HEMK2: variants seen among roughly 807,000 people sequenced by gnomAD.
The protein encoded by HEMK2 is HemK methyltransferase 2, ETF1 glutamine and histone H4 lysine.
At chr21:28,877,297 G>GAAGA in the HEMK2 span, among the ~76,000 whole-genome samples, 15 of 126,584 alleles carry the variant, frequency 1.2e-4, no homozygotes, top group African/African-American at 4.7e-4. Flanking sequence ...AGGAAGGAAG[G>GAAGA]AAGAGAGAGA....
the HEMK2 span, among the ~76,000 whole-genome samples, chr21:28,656,920 T>C: frequency 6.6e-6 from 1 of 152,096 alleles, no homozygotes; most frequent in South Asian, 2.1e-4. Flanking sequence ...GAAAAACACC[T>C]ACCTTCTAAG....
At chr21:28,865,003 A>G in the HEMK2 span, among the ~76,000 whole-genome samples, 1 of 151,586 alleles carries the variant, frequency 6.6e-6, no homozygotes, top group African/African-American at 2.4e-5. Context: ...CCCTATGCAG[A>G]TATGTTCCCC....
At chr21:28,863,444 ATATATATATATATAT>A in the HEMK2 span, among the ~76,000 whole-genome samples, 1 of 88,642 alleles carries the variant, frequency 1.1e-5, no homozygotes, top group Non-Finnish European at 2.2e-5. Context: ...ATATATATAT[ATATATATATATATAT>A]ATATATATAT....
At chr21:28,594,969 C>G in the HEMK2 span, among the ~76,000 whole-genome samples, 1 of 152,204 alleles carries the variant, frequency 6.6e-6, no homozygotes, top group South Asian at 2.1e-4. Flanking sequence ...TTGGAATGAT[C>G]AATTATTTCC....
the HEMK2 span, among the ~76,000 whole-genome samples, chr21:28,863,471 C>G: frequency 1.9e-5 from 1 of 53,888 alleles, no homozygotes. Context: ...TATATATATA[C>G]TTCATTAGTT....
At chr21:28,811,989 A>C in the HEMK2 span, among the ~76,000 whole-genome samples, 1 of 152,216 alleles carries the variant, frequency 6.6e-6, no homozygotes, top group Non-Finnish European at 1.5e-5. Flanking sequence ...AGAAAGGTGG[A>C]AAAATCCTAA....
chr21:28,866,056 A>C, the HEMK2 span, among the ~76,000 whole-genome samples: 1 of 150,792 alleles, frequency 6.6e-6, no homozygotes, highest in Non-Finnish European at 1.5e-5. Context: ...TACTTCCAGC[A>C]CTTTGGGAGG....
At chr21:28,576,494 T>A in the HEMK2 span, among the ~76,000 whole-genome samples, 8 of 152,140 alleles carry the variant, frequency 5.3e-5, no homozygotes, top group African/African-American at 1.9e-4. Context: ...GCCAGATATA[T>A]GTATTTTTAA....
At chr21:28,862,373 G>C in the HEMK2 span, among the ~76,000 whole-genome samples, 146,695 of 146,696 alleles carry the variant, frequency 1, 73,347 homozygotes, top group Non-Finnish European at 1. Flanking sequence ...GGCGCGGTGG[G>C]TCATGCCTGT....
the HEMK2 span, among the ~76,000 whole-genome samples, chr21:28,620,660 C>CTTTTTTTTTTTTTTTT: frequency 4.7e-3 from 234 of 49,654 alleles, 50 homozygotes; most frequent in African/African-American, 5.7e-3. Context: ...TCTCTCTTTT[C>CTTTTTTTTTTTTTTTT]TTTTTTTTTT....
At chr21:28,831,562 AGAAG>A in the HEMK2 span, among the ~76,000 whole-genome samples, 1 of 85,778 alleles carries the variant, frequency 1.2e-5, no homozygotes, top group African/African-American at 6.7e-5. Flanking sequence ...AAAGAAGGAA[AGAAG>A]GAAAGAAAGA....
At chr21:28,588,771 C>G in the HEMK2 span, among the ~76,000 whole-genome samples, 1 of 152,102 alleles carries the variant, frequency 6.6e-6, no homozygotes, top group East Asian at 1.9e-4. Flanking sequence ...ATCACAAGGT[C>G]AGGAGATCGA....
chr21:28,701,336 G>T, the HEMK2 span, among the ~76,000 whole-genome samples: 13 of 152,182 alleles, frequency 8.5e-5, no homozygotes, highest in African/African-American at 2.9e-4. Flanking sequence ...ATCCAAATAG[G>T]AGGAGAAGAA....
At chr21:28,675,302 T>C in the HEMK2 span, among the ~76,000 whole-genome samples, 2 of 152,146 alleles carry the variant, frequency 1.3e-5, no homozygotes, top group Non-Finnish European at 1.5e-5. Context: ...AATGGATCAA[T>C]CCTAAAAGAT....
the HEMK2 span, among the ~76,000 whole-genome samples, chr21:28,590,971 T>C: frequency 2.6e-5 from 4 of 152,226 alleles, no homozygotes; most frequent in South Asian, 6.2e-4. Context: ...TAAGGAGTCA[T>C]GGATCACCAA....
At chr21:28,671,966 T>A in the HEMK2 span, among the ~76,000 whole-genome samples, 3 of 152,166 alleles carry the variant, frequency 2.0e-5, no homozygotes, top group South Asian at 6.2e-4. Flanking sequence ...ATTCTGTGAC[T>A]TATTCACTCT....
chr21:28,757,979 T>C, the HEMK2 span, among the ~76,000 whole-genome samples: 1 of 152,242 alleles, frequency 6.6e-6, no homozygotes, highest in Non-Finnish European at 1.5e-5. Flanking sequence ...AATTGTTTAT[T>C]ATAAATGAAA....
chr21:28,883,637 T>A, the HEMK2 span, among the ~76,000 whole-genome samples: 1 of 152,174 alleles, frequency 6.6e-6, no homozygotes, highest in Non-Finnish European at 1.5e-5. Flanking sequence ...ATGTTAACCA[T>A]CTTAGAATGC....
At chr21:28,797,480 A>G in the HEMK2 span, among the ~76,000 whole-genome samples, 1 of 78,674 alleles carries the variant, frequency 1.3e-5, no homozygotes, top group Non-Finnish European at 2.4e-5. Flanking sequence ...AAAACAAATT[A>G]GCTGTGTGCC....
Sources: allele counts gnomAD v4.1 joint callset (sites outside exome capture counted in the v4.1 genomes callset), GRCh38; gene constraint gnomAD v4.1.1; transcripts MANE v1.5; gene names NCBI Gene and HGNC (gene_info 2026-07-23, HGNC 2026-07-21).